ATP8B4: variants seen among roughly 807,000 people sequenced by gnomAD.
ATP8B4 encodes ATPase phospholipid transporting 8B4 (putative), also known as probable phospholipid-transporting ATPase IM.
ATP8B4 carries 133 observed loss-of-function variants against 145.6 expected under a neutral mutation model. The ratio of observed to expected loss-of-function variants is 0.91; its 90% CI spans 0.79 to 1.05. The LOEUF (loss-of-function observed/expected upper bound fraction) is 1.05. Ranked by LOEUF, ATP8B4 falls within the 50% of genes least tolerant of loss-of-function variation. The pLI is 0.00. For missense variants in ATP8B4, 1,458 were observed against 1,425.2 expected, an observed-to-expected ratio of 1.02 and a Z score of -0.37; for synonymous variants, 507 against 492.9, an observed-to-expected ratio of 1.03 and a Z score of -0.38.
At chr15:50,033,359 T>C (rs2050594528) in intron 6 of ATP8B4, among the ~76,000 whole-genome samples, 1 of 152,212 alleles carries the variant, frequency 6.6e-6, no homozygotes, top group Admixed American at 6.5e-5. Flanking sequence ...CTGAAGCATC[T>C]GATCTCAGAC....
intron 6 of ATP8B4, among the ~76,000 whole-genome samples, chr15:50,021,561 T>A (rs1381070753): frequency 6.6e-6 from 1 of 152,144 alleles, no homozygotes. Flanking sequence ...GCTAGCTGCC[T>A]CTCAGTTCAA....
intron 2 of ATP8B4, among the ~76,000 whole-genome samples, chr15:50,098,708 C>T (rs1032762184): frequency 2.6e-5 from 4 of 152,118 alleles, no homozygotes; most frequent in Non-Finnish European, 5.9e-5. Context: ...GTCTCCCTCT[C>T]TCCTCCCCAA....
chr15:50,074,112 GT>G lies in ATP8B4; in HGVS notation c.87+14del. The G allele has an allele frequency of 6.2e-7, 1 of 1,606,830 alleles. No individual in the cohort carries two copies. The highest frequency in any genetic ancestry group is 8.5e-7 in the Non-Finnish European group (1 of 1,174,040). ...ACCTATCCTAGTACGTATGTGTTAT[GT>G]GTGTTTCACTTACCGCATACTGGAA... On this transcript the variant is annotated intron_variant, in intron 3 of 27. Coordinates refer to ENST00000284509, the MANE Select transcript of ATP8B4 (RefSeq NM_024837.4).
intron 7 of ATP8B4, among the ~76,000 whole-genome samples, chr15:50,004,039 C>G (rs1324200900): frequency 1.3e-5 from 2 of 152,182 alleles, no homozygotes; most frequent in Non-Finnish European, 2.9e-5. Context: ...TCCCCACCTC[C>G]GCCCATCTCC....
intron 12 of ATP8B4, among the ~76,000 whole-genome samples, chr15:49,976,768 G>A (rs1567123277): frequency 3.3e-5 from 5 of 152,140 alleles, no homozygotes. Flanking sequence ...AGAGGATTCA[G>A]AAGACTCACA....
chr15:49,910,493 C>T (rs995003737), intron 20 of ATP8B4, among the ~76,000 whole-genome samples: 2 of 152,008 alleles, frequency 1.3e-5, no homozygotes, highest in African/African-American at 4.8e-5. Flanking sequence ...TACAGGAGGC[C>T]CAGCAATCCC....
At chr15:49,911,601 C>T (rs931711617) in intron 20 of ATP8B4, among the ~76,000 whole-genome samples, 1 of 152,080 alleles carries the variant, frequency 6.6e-6, no homozygotes, top group Non-Finnish European at 1.5e-5. Flanking sequence ...GGGACTTCAA[C>T]AGTACATTCT....
chr15:50,146,073 C>T (rs1292276982), intron 1 of ATP8B4, among the ~76,000 whole-genome samples: 3 of 140,480 alleles, frequency 2.1e-5, no homozygotes, highest in Admixed American at 7.7e-5. Context: ...AGTGCAGGAG[C>T]GCGATCTCGG....
intron 1 of ATP8B4, among the ~76,000 whole-genome samples, chr15:50,159,054 T>C (rs1448761526): frequency 1.3e-5 from 2 of 152,160 alleles, no homozygotes; most frequent in Non-Finnish European, 2.9e-5. Context: ...TGTTGTCCTA[T>C]GACCCTGCCA....
At chr15:50,133,375 T>C (rs971896781) in intron 1 of ATP8B4, among the ~76,000 whole-genome samples, 1 of 152,038 alleles carries the variant, frequency 6.6e-6, no homozygotes, top group Non-Finnish European at 1.5e-5. Context: ...GCCCAGGAGT[T>C]TGAGACCAGC....
At chr15:50,164,802 G>C (rs1005355316) in intron 1 of ATP8B4, among the ~76,000 whole-genome samples, 1 of 152,192 alleles carries the variant, frequency 6.6e-6, no homozygotes, top group African/African-American at 2.4e-5. Context: ...ATTCACCTCT[G>C]GCTATGGCTG....
intron 11 of ATP8B4, 121 bp from the exon 12 acceptor site, chr15:49,979,934 C>T: frequency 1.7e-6 from 1 of 598,762 alleles, no homozygotes; most frequent in Non-Finnish European, 2.8e-6. Flanking sequence ...ATGCAAACCT[C>T]TTCTTACCAT....
At chr15:50,108,842 A>G (rs1044699019) in intron 1 of ATP8B4, among the ~76,000 whole-genome samples, 2 of 152,236 alleles carry the variant, frequency 1.3e-5, no homozygotes, top group Non-Finnish European at 1.5e-5. Context: ...AAACTCTTTT[A>G]GGACAAGGCT....
At chr15:49,943,671 C>T (rs1169539039) in intron 14 of ATP8B4, among the ~76,000 whole-genome samples, 1 of 152,176 alleles carries the variant, frequency 6.6e-6, no homozygotes, top group Non-Finnish European at 1.5e-5. Flanking sequence ...GAGAGAAACT[C>T]TTAGGGAGTG....
chr15:50,078,284 C>A (rs4591072), intron 2 of ATP8B4, among the ~76,000 whole-genome samples: 132,770 of 151,500 alleles, frequency 0.88, 58,484 homozygotes, highest in East Asian at 0.98. Flanking sequence ...GGGTTCAAAC[C>A]GTCCTCTCAC....
At chr15:50,126,321 C>T (rs533849180) in intron 1 of ATP8B4, among the ~76,000 whole-genome samples, 1 of 151,544 alleles carries the variant, frequency 6.6e-6, no homozygotes, top group Non-Finnish European at 1.5e-5. Flanking sequence ...TCTTACATTC[C>T]CAGAAGATTA....
intron 23 of ATP8B4, among the ~76,000 whole-genome samples, chr15:49,888,661 G>C (rs74012829): frequency 6.9e-4 from 105 of 152,254 alleles, no homozygotes; most frequent in African/African-American, 2.5e-3. Context: ...GGTATAAATT[G>C]TGAATCCAAA....
intron 1 of ATP8B4, among the ~76,000 whole-genome samples, chr15:50,116,690 T>G (rs2057168335): frequency 6.6e-6 from 1 of 151,828 alleles, no homozygotes. Flanking sequence ...GAAAGGTCAG[T>G]GAAGGATCCA....
intron 10 of ATP8B4, among the ~76,000 whole-genome samples, chr15:49,983,909 A>C (rs936163040): frequency 6.6e-6 from 1 of 152,196 alleles, no homozygotes; most frequent in South Asian, 2.1e-4. Flanking sequence ...TTTTGGCTTG[A>C]GATTAATGCC....
Sources: gnomAD v4.1 joint callset for allele counts (sites outside exome capture counted in the v4.1 genomes callset) on GRCh38, gnomAD v4.1.1 for gene constraint, MANE v1.5 for transcripts, NCBI Gene and HGNC (gene_info 2026-07-23, HGNC 2026-07-21) for gene names.